Variants in WDR72 observed in about 807,000 individuals in gnomAD.
WDR72 encodes WD repeat-containing protein 72.
WDR72 carries 120 observed loss-of-function variants against 124.2 expected under a neutral mutation model. The ratio of observed to expected loss-of-function variants is 0.97; its 90% CI spans 0.83 to 1.12. WDR72 has a LOEUF of 1.12. WDR72 is among the 50% of genes most tolerant of loss of function. The pLI, the probability that WDR72 is intolerant of heterozygous loss-of-function variation, is 0.00. For synonymous variants in WDR72, 452 were observed against 441.7 expected (o/e 1.02, Z -0.29); for missense variants, 1,387 against 1,278.8 (o/e 1.08, Z -1.29).
chr15:53,647,665 A>G (rs576758734), intron 14 of WDR72, among the ~76,000 whole-genome samples: 1 of 152,212 alleles, frequency 6.6e-6, no homozygotes, highest in East Asian at 1.9e-4. Flanking sequence ...CTGTGTAACA[A>G]TCAAGAGCAG....
chr15:53,643,457 C>CT (rs1206854446), intron 14 of WDR72, among the ~76,000 whole-genome samples: 1 of 152,016 alleles, frequency 6.6e-6, no homozygotes, highest in African/African-American at 2.4e-5. Context: ...GATGGTAAAG[C>CT]TTAATTCTCA....
chr15:53,704,988 CT>C lies in WDR72; in HGVS notation c.1347del (p.Asp450IlefsTer28), dbSNP rs760841785. ...ARLLEGGSLV[K>X]DSPPHKVLKG... Reference sequence around the variant, plus strand: ...ATAGGGTCAAATAAAATTCAAGGACCTTTTACTAAAGAACCACCTTCCAGAA... The same window carrying C: ...ATAGGGTCAAATAAAATTCAAGGACCTTTACTAAAGAACCACCTTCCAGAA... On this transcript the variant is annotated frameshift_variant and splice_region_variant, in exon 11 of 20. Transcript: ENST00000360509. LOFTEE classifies it high-confidence loss of function. 14 of 1,613,486 alleles carry C rather than the reference CT, an allele frequency of 8.7e-6. No homozygotes were observed. The highest frequency in any genetic ancestry group is 5.0e-5 in the Admixed American group (3 of 59,928).
chr15:53,757,977 TTCTCTCTC>T (rs5812712), intron 1 of WDR72, among the ~76,000 whole-genome samples: 45,498 of 148,614 alleles, frequency 0.31, 7,424 homozygotes, highest in East Asian at 0.46. Flanking sequence ...AGAGTTTATT[TTCTCTCTC>T]TCTCTCTCTC....
rs773931081 is a variant in WDR72, at chr15:53,722,772, A to G, written c.260+30T>C. On this transcript the variant is annotated intron_variant, in intron 3 of 19. Coordinates refer to ENST00000360509, the MANE Select transcript of WDR72 (RefSeq NM_182758.4). ...TTTTTAAAAAGGGAAGGAAATGGAG[A>G]AGGGGACAAAGTTTACATACCATAC... is the stretch of plus-strand genomic sequence containing the variant. 3.1e-6 allele frequency: 5 copies of G among 1,589,664 alleles called. No individual in the cohort carries two copies. In the East Asian group the frequency reaches 1.1e-4, roughly 36 times the overall value.
intron 3 of WDR72, among the ~76,000 whole-genome samples, chr15:53,718,984 C>G (rs1377731622): frequency 2.0e-5 from 3 of 152,018 alleles, no homozygotes; most frequent in African/African-American, 7.2e-5. Context: ...TTTGGTCTTA[C>G]TCAACTTTAC....
intron 14 of WDR72, among the ~76,000 whole-genome samples, chr15:53,623,222 T>TAAATTCACA (rs2014072752): frequency 6.6e-6 from 1 of 152,120 alleles, no homozygotes; most frequent in African/African-American, 2.4e-5. Flanking sequence ...ACCCAGGTAC[T>TAAATTCACA]GAGCATAGTA....
chr15:53,690,164 T>A (rs1273749267), intron 13 of WDR72, among the ~76,000 whole-genome samples: 2 of 151,632 alleles, frequency 1.3e-5, no homozygotes, highest in Non-Finnish European at 2.9e-5. Flanking sequence ...CATGTATACA[T>A]ATGTAACTAA....
chr15:53,650,980 A>G (rs1310753020), intron 14 of WDR72, among the ~76,000 whole-genome samples: 1 of 149,618 alleles, frequency 6.7e-6, no homozygotes. Context: ...TTTGAGTAAA[A>G]TCGTGAAAAG....
At chr15:53,550,239 T>C (rs1182561136) in intron 18 of WDR72, among the ~76,000 whole-genome samples, 1 of 152,206 alleles carries the variant, frequency 6.6e-6, no homozygotes, top group Non-Finnish European at 1.5e-5. Context: ...TTGTGGGCCA[T>C]ATAGTCTCTA....
chr15:53,569,564 T>C (rs1427518630), intron 18 of WDR72, among the ~76,000 whole-genome samples: 2 of 152,224 alleles, frequency 1.3e-5, no homozygotes, highest in South Asian at 4.1e-4. Context: ...ATTCAACATA[T>C]AAGAAGTCCT....
chr15:53,684,116 A>C (rs2016504924), intron 13 of WDR72: 1 of 152,238 alleles, frequency 6.6e-6, no homozygotes, highest in Non-Finnish European at 1.5e-5. Context: ...ATATAAAAGA[A>C]AGAAAACATT....
chr15:53,706,063 A>G lies in WDR72; in HGVS notation c.966T>C (p.Arg322=), dbSNP rs2017345081. ...CATTCATGTAGCCCATAACAAAGGG[A>G]CGGCTCTGTTCCTAAACAAAAAGTG... is the stretch of plus-strand genomic sequence containing the variant. ...TSVQENKEQS[R]PFVMGYMNER... is the part of the protein sequence containing the mutation. Residue 322 remains arginine (R), a synonymous_variant, in exon 10 of 20, where the codon CGT becomes CGC. Transcript: ENST00000360509. The G allele has an allele frequency of 1.2e-6, 2 of 1,613,872 alleles. No individual in the cohort carries two copies. Among genetic ancestry groups the G allele is most frequent in the Non-Finnish European group, 1.7e-6 (2 of 1,179,974 alleles).
intron 3 of WDR72, 152 bp from the exon 4 acceptor site, chr15:53,716,837 G>A (rs35027152): frequency 0.042 from 27,761 of 664,440 alleles, 717 homozygotes; most frequent in Non-Finnish European, 0.05. Flanking sequence ...GTCATTAGCA[G>A]GGATGACATA....
At chr15:53,551,346 T>C (rs1184466399) in intron 18 of WDR72, among the ~76,000 whole-genome samples, 3 of 152,162 alleles carry the variant, frequency 2.0e-5, no homozygotes, top group Non-Finnish European at 4.4e-5. Context: ...TCACGCAGAA[T>C]TGGCATGTTT....
upstream of WDR72, chr15:53,759,718 T>TCGCCCCGCCC (rs927758631): frequency 4.3e-4 from 45 of 104,146 alleles, no homozygotes; most frequent in Middle Eastern, 4.6e-3. Flanking sequence ...CCCGCCCGCC[T>TCGCCCCGCCC]CGCCCCGCCC....
chr15:53,574,895 C>A (rs1402421969), intron 18 of WDR72, among the ~76,000 whole-genome samples: 4 of 151,586 alleles, frequency 2.6e-5, no homozygotes, highest in African/African-American at 4.8e-5. Flanking sequence ...AATGATGGAC[C>A]TGGAAAGGGT....
In WDR72 at chr15:53,515,092, C is replaced by CATATATATGTGTATATATATGTGTGT. The variant is rs1479207889; in HGVS notation, c.*2606_*2607insACACACATATATATACACATATATAT. On this transcript the variant is annotated 3_prime_UTR_variant, in exon 20 of 20. Transcript: ENST00000360509. ...ACACATATATATGTATGTATACACA[C>CATATATATGTGTATATATATGTGTGT]ACACACACACACACAAATACATTCA... The CATATATATGTGTATATATATGTGTGT allele has an allele frequency of 2.0e-4, 5 of 24,784 alleles. No individual in the cohort carries two copies. Among genetic ancestry groups the CATATATATGTGTATATATATGTGTGT allele is most frequent in the Non-Finnish European group, 4.8e-4 (4 of 8,266 alleles). 1.5% of individuals were successfully genotyped at this position (24,784 alleles called of 1,614,324 possible). A position where few individuals can be genotyped will look rare whatever the true frequency, so the allele number is the denominator to read the frequency against.
Position 53,609,543 on chromosome 15 carries a change from T to C in WDR72, c.2922A>G (p.Leu974=), listed in dbSNP as rs754190432. Residue 974 remains leucine (L), a synonymous_variant, in exon 17 of 20, where the codon CTA becomes CTG. Transcript: ENST00000360509. ...VPEADLSLLK[L]ISCWRDQSVQ... ...CAGACTGGTCTCTCCAACAGGAAAT[T>C]AGCTTCAAAAGTGAAAGGTCAGCCT... The C allele has an allele frequency of 6.2e-7, 1 of 1,613,534 alleles. No individual in the cohort carries two copies. Among genetic ancestry groups the C allele is most frequent in the South Asian group, 1.1e-5 (1 of 91,084 alleles).
chr15:53,718,260 C>CTAGCTATA (rs2017769707), intron 3 of WDR72, among the ~76,000 whole-genome samples: 1 of 131,824 alleles, frequency 7.6e-6, no homozygotes, highest in African/African-American at 4.5e-5. Flanking sequence ...CATTTCTAAA[C>CTAGCTATA]CAGTAGCTCT....
Sources: allele counts gnomAD v4.1 joint callset (sites outside exome capture counted in the v4.1 genomes callset), GRCh38; gene constraint gnomAD v4.1.1; transcripts MANE v1.5; gene names NCBI Gene and HGNC (gene_info 2026-07-23, HGNC 2026-07-21).